BANK1: variants seen among roughly 807,000 people sequenced by gnomAD.
The protein encoded by BANK1 is B cell scaffold protein with ankyrin repeats 1.
A neutral mutation model predicts 94.5 loss-of-function variants in BANK1; 95 were observed. The ratio of observed to expected loss-of-function variants is 1.00; its 90% CI spans 0.85 to 1.19. The LOEUF is 1.19. Ranked by LOEUF, BANK1 falls within the 50% of genes most tolerant of loss-of-function variation. The pLI, the probability that BANK1 is intolerant of heterozygous loss-of-function variation, is 0.00. For synonymous variants in BANK1, 334 were observed against 308.4 expected (o/e 1.08, Z -0.87); for missense variants, 987 against 932.2 (o/e 1.06, Z -0.77).
intron 7 of BANK1, among the ~76,000 whole-genome samples, chr4:101,936,189 A>ATG (rs1723529529): frequency 6.8e-6 from 1 of 147,388 alleles, no homozygotes; most frequent in Non-Finnish European, 1.5e-5. Flanking sequence ...TATATATGAT[A>ATG]TATATATTTT....
chr4:101,987,311 T>G (rs765956331), intron 7 of BANK1, among the ~76,000 whole-genome samples: 40 of 152,150 alleles, frequency 2.6e-4, no homozygotes, highest in Non-Finnish European at 5.1e-4. Flanking sequence ...CTTCAAAGAA[T>G]CTCATAAGTG....
intron 7 of BANK1, among the ~76,000 whole-genome samples, chr4:102,007,429 T>C (rs2148940045): frequency 6.6e-6 from 1 of 151,672 alleles, no homozygotes; most frequent in South Asian, 2.1e-4. Flanking sequence ...TTTAAATTCT[T>C]TGGCCGTTTT....
chr4:102,035,204 G>A (rs1048294676), intron 10 of BANK1, among the ~76,000 whole-genome samples: 2 of 152,128 alleles, frequency 1.3e-5, no homozygotes, highest in African/African-American at 4.8e-5. Context: ...CCAATTTGAA[G>A]GGAAGAGCCC....
In BANK1 at chr4:102,025,332, C is replaced by G. The variant is rs552191803; in HGVS notation, c.1417C>G (p.Leu473Val). The G allele has an allele frequency of 6.2e-7, 1 of 1,614,098 alleles. No homozygotes were observed. Among genetic ancestry groups the G allele is most frequent in the African/African-American group, 1.3e-5 (1 of 75,010 alleles). The change falls in exon 9 of 17, where the codon CTA becomes GTA. Residue 473 changes from leucine to valine, a missense_variant. Leu to Val is a conservative substitution (Grantham distance 32, BLOSUM62 1). Transcript: ENST00000322953. ...AGGCATGGAGACCAAACACAGCCCA[C>G]TAGAGGTTGGCAGTGAGAGTTCTGA... Reference protein sequence around the residue: ...GSGMETKHSPLEVGSESSEDQ... With the variant: ...GSGMETKHSPVEVGSESSEDQ...
chr4:101,790,765 G>A lies in BANK1; in HGVS notation c.-116G>A. 1.7e-6 allele frequency: 2 copies of A among 1,158,724 alleles called. No individual in the cohort carries two copies. The highest frequency in any genetic ancestry group is 1.2e-6 in the Non-Finnish European group (1 of 807,166). 71.8% of individuals were successfully genotyped at this position (1,158,724 alleles called of 1,614,324 possible). On this transcript the variant is annotated 5_prime_UTR_variant, in exon 1 of 17. Transcript: ENST00000322953. ...CGCAGCCTCCGCGGGTGGCAAGCGGGCTGGGGAGAGCCGAGGGCCAAAGGA... is the reference window on the plus strand; with the variant it reads ...CGCAGCCTCCGCGGGTGGCAAGCGGACTGGGGAGAGCCGAGGGCCAAAGGA...
rs951917784 is a variant in BANK1 at position 101,822,198 on chromosome 4, A to G, written c.71-7610A>G. On this transcript the variant is annotated intron_variant, in intron 1 of 16. Transcript: ENST00000322953. ...GGGGAAACCCTGTCTCTACCATTAA[A>G]AAAATACAAAAAATACAAAAAATTA... is the stretch of plus-strand genomic sequence containing the variant. Among the ~76,000 whole-genome samples, 16 of 151,850 alleles carry G rather than the reference A, an allele frequency of 1.1e-4. 1 individual carries two copies. Among genetic ancestry groups the G allele is most frequent in the Admixed American group, 9.2e-4 (14 of 15,260 alleles).
chr4:102,018,787 T>C (rs1267507937), intron 7 of BANK1, among the ~76,000 whole-genome samples: 1 of 151,722 alleles, frequency 6.6e-6, no homozygotes, highest in Non-Finnish European at 1.5e-5. Flanking sequence ...AAACTTTTGC[T>C]CTGATCATCT....
chr4:101,938,009 T>C (rs192231007), intron 7 of BANK1, among the ~76,000 whole-genome samples: 4 of 151,566 alleles, frequency 2.6e-5, no homozygotes, highest in African/African-American at 9.7e-5. Flanking sequence ...AAACACCACA[T>C]GTTCTCACCC....
chr4:101,845,317 A>C (rs1045303590), intron 2 of BANK1, among the ~76,000 whole-genome samples: 2 of 152,162 alleles, frequency 1.3e-5, no homozygotes, highest in Non-Finnish European at 2.9e-5. Flanking sequence ...AGATATTTTA[A>C]ATTTACAAGT....
At chr4:102,001,436 C>A (rs1176445095) in intron 7 of BANK1, among the ~76,000 whole-genome samples, 2 of 152,274 alleles carry the variant, frequency 1.3e-5, no homozygotes, top group Admixed American at 1.3e-4. Flanking sequence ...CCAGTCTCTA[C>A]TAAGAATACA....
chr4:101,943,817 G>A (rs1017296940), intron 7 of BANK1, among the ~76,000 whole-genome samples: 3 of 151,830 alleles, frequency 2.0e-5, no homozygotes, highest in Non-Finnish European at 2.9e-5. Flanking sequence ...AAATGCTCAA[G>A]CTCTGAAACT....
intron 5 of BANK1, among the ~76,000 whole-genome samples, chr4:101,894,024 T>A (rs1721973583): frequency 6.6e-6 from 1 of 152,206 alleles, no homozygotes; most frequent in South Asian, 2.1e-4. Flanking sequence ...GCTCCTTGTG[T>A]GTATGGTCAT....
Position 102,018,560 on chromosome 4 carries a change from C to G in BANK1, c.1207-2954C>G, listed in dbSNP as rs530045411. 3.3e-5 allele frequency among the ~76,000 whole-genome samples: 5 copies of G among 152,326 alleles called. No individual in the cohort carries two copies. In the East Asian group the frequency reaches 9.6e-4, roughly 29 times the overall value. ...CATATACCTCAGTCAACAAGATATT[C>G]TCTTTTTAATTTATCTTTGATAATG... On this transcript the variant is annotated intron_variant, in intron 7 of 16. Coordinates refer to ENST00000322953, the MANE Select transcript of BANK1 (RefSeq NM_017935.5).
chr4:101,812,670 T>G (rs773577817), intron 1 of BANK1, among the ~76,000 whole-genome samples: 2 of 152,072 alleles, frequency 1.3e-5, no homozygotes, highest in Admixed American at 1.3e-4. Context: ...TTCTTCATAT[T>G]CTAAAATCAT....
chr4:101,928,983 A>G (rs765314611), intron 7 of BANK1, among the ~76,000 whole-genome samples: 12 of 151,652 alleles, frequency 7.9e-5, no homozygotes, highest in Non-Finnish European at 1.3e-4. Flanking sequence ...GTGAGCTGTG[A>G]AGCCACCAAA....
chr4:101,845,630 C>CTGGG (rs1727214487), intron 2 of BANK1, among the ~76,000 whole-genome samples: 2 of 152,194 alleles, frequency 1.3e-5, no homozygotes, highest in Admixed American at 1.3e-4. Flanking sequence ...CAATTGACAA[C>CTGGG]ATATAGCTGC....
chr4:101,989,423 C>A (rs1264537524), intron 7 of BANK1, among the ~76,000 whole-genome samples: 3 of 129,182 alleles, frequency 2.3e-5, no homozygotes, highest in Non-Finnish European at 4.8e-5. Flanking sequence ...AAGAGCAAGA[C>A]TCCGTCTCAA....
intron 2 of BANK1, among the ~76,000 whole-genome samples, chr4:101,853,256 A>C (rs1727558585): frequency 6.6e-6 from 1 of 152,180 alleles, no homozygotes; most frequent in African/African-American, 2.4e-5. Context: ...TCTTCTCAGA[A>C]ACAGCGTGGA....
chr4:101,862,373 G>T (rs1375967533), intron 3 of BANK1, among the ~76,000 whole-genome samples, 153 bp from the exon 4 acceptor site: 1 of 152,100 alleles, frequency 6.6e-6, no homozygotes, highest in African/African-American at 2.4e-5. Context: ...TCACATTTAT[G>T]TATTTTATTT....
Sources: allele counts gnomAD v4.1 joint callset (sites outside exome capture counted in the v4.1 genomes callset), GRCh38; gene constraint gnomAD v4.1.1; transcripts MANE v1.5; gene names NCBI Gene and HGNC (gene_info 2026-07-23, HGNC 2026-07-21).